The following SORL1-AS1 variants were observed in gnomAD, a reference collection of about 807,000 sequenced individuals.
SORL1-AS1 encodes SORL1 antisense RNA 1.
exon 2 of SORL1-AS1, chr11:121,448,161 T>C (rs1375590472): frequency 6.6e-6 from 1 of 152,238 alleles, no homozygotes; most frequent in Non-Finnish European, 1.5e-5. Context: ...ATGAGATAGA[T>C]AATGCTGTTA....
At chr11:121,445,720 C>G (rs1860714094), downstream of SORL1-AS1, among the ~76,000 whole-genome samples, 1 of 151,950 alleles carries the variant, frequency 6.6e-6, no homozygotes, top group African/African-American at 2.4e-5. Context: ...GTCTTATTCT[C>G]CAGAGAGTTT....
chr11:121,439,253 T>A, the SORL1-AS1 span, among the ~76,000 whole-genome samples: 1 of 152,150 alleles, frequency 6.6e-6, no homozygotes, highest in African/African-American at 2.4e-5. Flanking sequence ...TTAAAATTTT[T>A]AAATTTTAAC....
At chr11:121,438,616 T>G in the SORL1-AS1 span, among the ~76,000 whole-genome samples, 1 of 152,170 alleles carries the variant, frequency 6.6e-6, no homozygotes, top group African/African-American at 2.4e-5. Flanking sequence ...CGTTGTTGTA[T>G]GCATTAATAG....
the SORL1-AS1 span, among the ~76,000 whole-genome samples, chr11:121,442,043 G>T: frequency 6.6e-6 from 1 of 152,152 alleles, no homozygotes; most frequent in Non-Finnish European, 1.5e-5. Context: ...CAGAGTAGCT[G>T]CCAAGTTGGA....
chr11:121,440,214 A>G, the SORL1-AS1 span, among the ~76,000 whole-genome samples: 1 of 152,208 alleles, frequency 6.6e-6, no homozygotes. Context: ...CTCTACTAAA[A>G]GTATAAGAAT....
Position 121,448,920 on chromosome 11 carries a change from G to C in SORL1-AS1, n.1319C>G, listed in dbSNP as rs1353614648. The stretch of plus-strand genomic sequence containing the variant: ...GAGGCTGCTCTGAAACCTGAAGGCT[G>C]AATAGAAGTTGGCCAGCCAGGAGGT... On this transcript the variant is annotated non_coding_transcript_exon_variant, in exon 2 of 2. Transcript: ENST00000501964. The C allele has an allele frequency of 2.0e-5, 3 of 152,266 alleles. No individual in the cohort carries two copies. In the East Asian group the frequency reaches 5.8e-4, roughly 29 times the overall value. 9.4% of individuals were successfully genotyped at this position (152,266 alleles called of 1,614,324 possible).
chr11:121,442,316 AG>A, the SORL1-AS1 span, among the ~76,000 whole-genome samples: 3 of 152,188 alleles, frequency 2.0e-5, no homozygotes, highest in Admixed American at 1.3e-4. Flanking sequence ...CTTAAACCCA[AG>A]GACACAGGAA....
the SORL1-AS1 span, among the ~76,000 whole-genome samples, chr11:121,439,418 A>G: frequency 6.6e-6 from 1 of 151,710 alleles, no homozygotes; most frequent in African/African-American, 2.4e-5. Context: ...GTTTAAAAAC[A>G]TTGATTGTCC....
intron 1 of SORL1-AS1, among the ~76,000 whole-genome samples, chr11:121,451,641 T>G (rs1036845219): frequency 6.6e-6 from 1 of 152,226 alleles, no homozygotes; most frequent in South Asian, 2.1e-4. Context: ...TTTGCTGTGC[T>G]TCAGGCTGGG....
At chr11:121,451,675 T>C (rs945624128) in intron 1 of SORL1-AS1, among the ~76,000 whole-genome samples, 2 of 152,178 alleles carry the variant, frequency 1.3e-5, no homozygotes, top group Non-Finnish European at 2.9e-5. Flanking sequence ...TCAAGGGTAG[T>C]TTTTGCTGTG....
At position 121,452,392 on chromosome 11, in the gene SORL1-AS1, C is replaced by A; in HGVS notation, n.339+283G>T. 6.5e-7 allele frequency: 1 copy of A among 1,542,490 alleles called. No individual in the cohort carries two copies. The highest frequency in any genetic ancestry group is 1.2e-5 in the South Asian group (1 of 82,784). ...CCCGTTCCTATTCACCCTGGTCGCA[C>A]TGCTGCCGCCCGGAGCTCTCTGCGA... On this transcript the variant is annotated intron_variant and non_coding_transcript_variant, in intron 1 of 1. Coordinates refer to ENST00000501964, the Ensembl canonical transcript of SORL1-AS1. This position sits in a 1 kb window ranked among gnomAD's most constrained non-coding sequence, Gnocchi z 5.3.
rs1277843280 is a variant in SORL1-AS1 at position 121,450,049 on chromosome 11, C to T, written n.340-150G>A. On this transcript the variant is annotated intron_variant and non_coding_transcript_variant, in intron 1 of 1. Coordinates refer to ENST00000501964, the Ensembl canonical transcript of SORL1-AS1. This position sits in a 1 kb window ranked among gnomAD's most constrained non-coding sequence, Gnocchi z 5.2. ...AAGTAGCTGGCCCTGCCCTACTAGT[C>T]CTTCTGTGCAAGGGGCCATCTGAAC... 6.6e-6 allele frequency: 1 copy of T among 152,232 alleles called. No individual in the cohort carries two copies. The highest frequency in any genetic ancestry group is 6.5e-5 in the Admixed American group (1 of 15,274). The allele number at this position is 152,232 out of a possible 1,614,324, so 9.4% of individuals were successfully genotyped here.
the SORL1-AS1 span, among the ~76,000 whole-genome samples, chr11:121,439,597 G>A: frequency 7.2e-5 from 11 of 151,860 alleles, no homozygotes; most frequent in Admixed American, 3.3e-4. Context: ...CAGCTTTGTC[G>A]GTAAAATAAA....
At chr11:121,438,423 C>T in the SORL1-AS1 span, among the ~76,000 whole-genome samples, 1 of 151,972 alleles carries the variant, frequency 6.6e-6, no homozygotes, top group African/African-American at 2.4e-5. Flanking sequence ...AAAAATTTTC[C>T]CATGCTCCTT....
chr11:121,443,301 C>T (rs934044060), downstream of SORL1-AS1, among the ~76,000 whole-genome samples: 2 of 152,144 alleles, frequency 1.3e-5, no homozygotes, highest in South Asian at 4.1e-4. Flanking sequence ...CATGAATTCC[C>T]GATTAGGACA....
At chr11:121,445,189 C>T (rs1457257158), downstream of SORL1-AS1, among the ~76,000 whole-genome samples, 3 of 152,136 alleles carry the variant, frequency 2.0e-5, no homozygotes, top group Non-Finnish European at 2.9e-5. Context: ...GATGACACCA[C>T]GTAAAATTTC....
chr11:121,452,537 C>A lies in SORL1-AS1; in HGVS notation n.339+138G>T. On this transcript the variant is annotated intron_variant and non_coding_transcript_variant, in intron 1 of 1. Transcript: ENST00000501964. The surrounding 1 kb of genome is among the most constrained non-coding windows in gnomAD (Gnocchi z 5.3). ...TGGGCGCGCGGGGATGCCAGGGGGG[C>A]GAGCCGCGCGGACGAGAAGCCGCTC... 1 of 1,487,364 alleles carries A rather than the reference C, an allele frequency of 6.7e-7. No individual in the cohort carries two copies. The highest frequency in any genetic ancestry group is 2.3e-5 in the Admixed American group (1 of 43,722). 92.1% of individuals were successfully genotyped at this position (1,487,364 alleles called of 1,614,324 possible). A position where few individuals can be genotyped will look rare whatever the true frequency, so the allele number is the denominator to read the frequency against.
At position 121,452,580 on chromosome 11, in the gene SORL1-AS1, T is replaced by C; in HGVS notation, n.339+95A>G. 1.3e-6 allele frequency: 2 copies of C among 1,522,896 alleles called. No homozygotes were observed. The highest frequency in any genetic ancestry group is 1.8e-6 in the Non-Finnish European group (2 of 1,142,816). 94.3% of individuals were successfully genotyped at this position (1,522,896 alleles called of 1,614,324 possible). On this transcript the variant is annotated intron_variant and non_coding_transcript_variant, in intron 1 of 1. Coordinates refer to ENST00000501964, the Ensembl canonical transcript of SORL1-AS1. This position sits in a 1 kb window ranked among gnomAD's most constrained non-coding sequence, Gnocchi z 5.3. ...AGCCGCTCCGGAGGAAACGGAGCGC[T>C]GCCCTGCAGCCCGAGCCCATCAAGG...
chr11:121,443,254 C>T (rs910070974), downstream of SORL1-AS1, among the ~76,000 whole-genome samples: 1 of 152,160 alleles, frequency 6.6e-6, no homozygotes, highest in African/African-American at 2.4e-5. Flanking sequence ...CTGGAGCTAG[C>T]GTTGGACTTT....
Sources: allele counts gnomAD v4.1 joint callset (sites outside exome capture counted in the v4.1 genomes callset), GRCh38; gene constraint gnomAD v4.1.1; non-coding constraint Gnocchi (gnomAD v3.1); transcripts MANE v1.5; gene names NCBI Gene and HGNC (gene_info 2026-07-23, HGNC 2026-07-21).